The following LINGO1 variants were observed in gnomAD, a reference collection of about 807,000 sequenced individuals.
LINGO1 encodes leucine rich repeat and Ig domain containing 1.
Under a neutral mutation model 37.3 loss-of-function variants are expected in LINGO1, and 11 were observed. The observed-to-expected ratio is 0.29, with a 90% confidence interval of 0.19 to 0.49. The LOEUF (loss-of-function observed/expected upper bound fraction) is 0.49. Ranked by LOEUF, LINGO1 falls within the 20% of genes least tolerant of loss-of-function variation. The pLI, the probability that LINGO1 is intolerant of heterozygous loss-of-function variation, is 0.99. For synonymous variants in LINGO1, 387 were observed against 403.0 expected, an observed-to-expected ratio of 0.96 and a Z score of 0.48; for missense variants, 585 against 878.2, an observed-to-expected ratio of 0.67 and a Z score of 4.22.
At chr15:77,734,146 C>G (rs1289061775) in intron 2 of LINGO1, among the ~76,000 whole-genome samples, 1 of 152,150 alleles carries the variant, frequency 6.6e-6, no homozygotes, top group Non-Finnish European at 1.5e-5. Context: ...CCCTCCAGCC[C>G]CCACTACTTC....
intron 3 of LINGO1, among the ~76,000 whole-genome samples, chr15:77,654,791 T>A (rs1356783479): frequency 6.6e-6 from 1 of 152,184 alleles, no homozygotes; most frequent in Non-Finnish European, 1.5e-5. Context: ...CCGTGTTACA[T>A]GGAAATAATG....
chr15:77,706,511 C>A (rs1329372579), intron 2 of LINGO1, among the ~76,000 whole-genome samples: 1 of 152,150 alleles, frequency 6.6e-6, no homozygotes, highest in Non-Finnish European at 1.5e-5. Flanking sequence ...GCCCTGACCA[C>A]CTACCCAGCC....
intron 3 of LINGO1, among the ~76,000 whole-genome samples, chr15:77,640,044 C>G (rs1268855206): frequency 2.0e-5 from 3 of 152,200 alleles, no homozygotes; most frequent in Non-Finnish European, 4.4e-5. Flanking sequence ...CTGAGGCACA[C>G]AGAATCCAGG....
At chr15:77,742,140 C>T (rs1041693086) in intron 1 of LINGO1, among the ~76,000 whole-genome samples, 2 of 152,226 alleles carry the variant, frequency 1.3e-5, no homozygotes, top group African/African-American at 2.4e-5. Flanking sequence ...AGGGAGCTAA[C>T]GGACCTGACT....
chr15:77,670,200 G>C (rs2075223437), intron 3 of LINGO1, among the ~76,000 whole-genome samples: 1 of 152,192 alleles, frequency 6.6e-6, no homozygotes, highest in South Asian at 2.1e-4. Context: ...GGGAGGAGGG[G>C]AGAATGGCGG....
At chr15:77,818,803 C>T (rs2077069877) in intron 1 of LINGO1, among the ~76,000 whole-genome samples, 1 of 151,846 alleles carries the variant, frequency 6.6e-6, no homozygotes, top group Admixed American at 6.5e-5. Flanking sequence ...CGCCGCGGGC[C>T]TAGGTGGGTG....
At chr15:77,668,455 C>T (rs891855934) in intron 3 of LINGO1, among the ~76,000 whole-genome samples, 3 of 152,184 alleles carry the variant, frequency 2.0e-5, no homozygotes, top group African/African-American at 7.2e-5. Flanking sequence ...ATGCCAGTCA[C>T]AGGCTGAACT....
intron 1 of LINGO1, among the ~76,000 whole-genome samples, chr15:77,620,302 G>A (rs1294797639): frequency 1.3e-5 from 2 of 152,228 alleles, no homozygotes; most frequent in East Asian, 1.9e-4. Context: ...AGGCAGCAGA[G>A]AGCTGTGCCT....
At chr15:77,753,288 G>A (rs78047675) in intron 1 of LINGO1, among the ~76,000 whole-genome samples, 2,060 of 152,354 alleles carry the variant, frequency 0.014, 44 homozygotes, top group African/African-American at 0.047. Flanking sequence ...GACCAGGGCT[G>A]TAGGTCAGCT....
At chr15:77,707,909 C>G (rs1470342776) in intron 2 of LINGO1, among the ~76,000 whole-genome samples, 1 of 151,988 alleles carries the variant, frequency 6.6e-6, no homozygotes, top group East Asian at 1.9e-4. Flanking sequence ...ACCACGGGTC[C>G]CAGAAGAAAA....
At chr15:77,776,542 G>GAGTA (rs2076654946) in intron 1 of LINGO1, among the ~76,000 whole-genome samples, 4 of 36,950 alleles carry the variant, frequency 1.1e-4, no homozygotes, top group East Asian at 7.3e-4. Flanking sequence ...GGGAGGGAGG[G>GAGTA]AGGGAGGGAG....
intron 1 of LINGO1, among the ~76,000 whole-genome samples, chr15:77,777,458 C>CAT (rs750986483): frequency 4.6e-5 from 6 of 130,770 alleles, no homozygotes; most frequent in Non-Finnish European, 9.8e-5. Context: ...TGGACATATA[C>CAT]ACACACGCAC....
intron 1 of LINGO1, among the ~76,000 whole-genome samples, chr15:77,739,434 T>C (rs2076238324): frequency 6.6e-6 from 1 of 152,190 alleles, no homozygotes; most frequent in African/African-American, 2.4e-5. Context: ...CAGGGGCTGC[T>C]TCCCCTCCCT....
chr15:77,684,142 A>C (rs999397366), intron 2 of LINGO1, among the ~76,000 whole-genome samples: 6 of 150,122 alleles, frequency 4.0e-5, no homozygotes, highest in Admixed American at 1.3e-4. Context: ...CTCCCCAAAC[A>C]CTCCCCCACA....
chr15:77,682,118 G>T (rs7178761), intron 2 of LINGO1, among the ~76,000 whole-genome samples: 1 of 151,974 alleles, frequency 6.6e-6, no homozygotes, highest in Non-Finnish European at 1.5e-5. Context: ...GCTCCTCCTC[G>T]ATGCCATTGG....
intron 2 of LINGO1, among the ~76,000 whole-genome samples, chr15:77,711,469 C>T (rs2075917166): frequency 6.6e-6 from 1 of 152,170 alleles, no homozygotes; most frequent in Non-Finnish European, 1.5e-5. Context: ...GGCCTGAGGC[C>T]TGCATCCTGC....
chr15:77,673,940 T>A (rs1224504928), intron 3 of LINGO1, among the ~76,000 whole-genome samples: 2 of 150,070 alleles, frequency 1.3e-5, no homozygotes, highest in Non-Finnish European at 3.0e-5. Context: ...TTGAAATTCT[T>A]AATTTTTTTT....
At chr15:77,674,384 T>C (rs756748815) in intron 3 of LINGO1, among the ~76,000 whole-genome samples, 1 of 152,218 alleles carries the variant, frequency 6.6e-6, no homozygotes, top group Non-Finnish European at 1.5e-5. Context: ...TAAAATGTAA[T>C]TCCAATCATG....
At chr15:77,682,277 AGTGTGTGT>A (rs10581838) in intron 2 of LINGO1, among the ~76,000 whole-genome samples, 38 of 139,920 alleles carry the variant, frequency 2.7e-4, no homozygotes, top group African/African-American at 7.9e-4. Flanking sequence ...TAGAGATTAA[AGTGTGTGT>A]GTGTGTGTGT....
Sources: gnomAD v4.1 joint callset for allele counts (sites outside exome capture counted in the v4.1 genomes callset) on GRCh38, gnomAD v4.1.1 for gene constraint, MANE v1.5 for transcripts, NCBI Gene and HGNC (gene_info 2026-07-23, HGNC 2026-07-21) for gene names.